MLC1: variants seen among roughly 807,000 people sequenced by gnomAD.
MLC1 encodes membrane protein MLC1.
A neutral mutation model predicts 44.7 loss-of-function variants in MLC1; 32 were observed. That is an observed-to-expected ratio of 0.72 (90% confidence interval 0.54 to 0.96). The LOEUF (loss-of-function observed/expected upper bound fraction) is 0.96. MLC1 is among the 40% of genes least tolerant of loss of function. MLC1 has a pLI of 0.00. For missense variants in MLC1, 459 were observed against 492.2 expected, an observed-to-expected ratio of 0.93 and a Z score of 0.64; for synonymous variants, 190 against 213.0, an observed-to-expected ratio of 0.89 and a Z score of 0.94.
chr22:50,083,906 A>C lies in MLC1; in HGVS notation c.178-733T>G, dbSNP rs1427058982. ...CCAGGTGGAGGAGGGCAGAGCCCGGAGATGGCCACCACCACCCGGGAGCCG... is the reference window on the plus strand; with the variant it reads ...CCAGGTGGAGGAGGGCAGAGCCCGGCGATGGCCACCACCACCCGGGAGCCG... On this transcript the variant is annotated intron_variant, in intron 2 of 11. Coordinates refer to ENST00000311597, the MANE Select transcript of MLC1 (RefSeq NM_015166.4). The surrounding 1 kb of genome is among the most constrained non-coding windows in gnomAD (Gnocchi z 4.6). 6.6e-6 allele frequency among the ~76,000 whole-genome samples: 1 copy of C among 151,884 alleles called. No individual in the cohort carries two copies. The highest frequency in any genetic ancestry group is 1.5e-5 in the Non-Finnish European group (1 of 67,978).
chr22:50,076,404 AATT>A (rs1211875670), intron 7 of MLC1, among the ~76,000 whole-genome samples: 2 of 152,092 alleles, frequency 1.3e-5, no homozygotes, highest in Non-Finnish European at 2.9e-5. Context: ...AAAATAAAAT[AATT>A]AGCCGGGCGT....
At chr22:50,071,669 G>T (rs1487869975) in intron 8 of MLC1, among the ~76,000 whole-genome samples, 2 of 152,202 alleles carry the variant, frequency 1.3e-5, no homozygotes, top group Non-Finnish European at 2.9e-5. Context: ...ACGCTGACTT[G>T]ACTCACTGGG....
chr22:50,084,980 CG>C lies in MLC1; in HGVS notation c.-59-20del. 6.3e-7 allele frequency: 1 copy of C among 1,579,954 alleles called. No individual in the cohort carries two copies. ...TCTTTATCTGGAATAAAATTATCAT[CG>C]GCTTTGGCCACTCTGAGGAAACTTC... On this transcript the variant is annotated intron_variant, in intron 1 of 11. Coordinates refer to ENST00000311597, the MANE Select transcript of MLC1 (RefSeq NM_015166.4).
At chr22:50,079,500 C>CTTTTTTTT (rs55760839) in intron 5 of MLC1, among the ~76,000 whole-genome samples, 17 of 75,808 alleles carry the variant, frequency 2.2e-4, no homozygotes, top group Non-Finnish European at 2.7e-4. Flanking sequence ...GGATTTTTGT[C>CTTTTTTTT]TTTTTTTTTT....
rs756589485 is a variant in MLC1 at position 50,074,237 on chromosome 22, C to T, written c.693G>A (p.Thr231=). The T allele has an allele frequency of 2.0e-5, 33 of 1,613,552 alleles. No individual in the cohort carries two copies. The Admixed American group carries it at 4.3e-4, about 21-fold the overall frequency. ...DSVSGPHLSV[T]FFWILVACFP... ...TCACGGCCACTAGGATCCAAAAGAA[C>T]GTCACTGAGAGGTGTGGGCCTGAAA... The change falls in exon 8 of 12, where the codon ACG becomes ACA. Residue 231 remains threonine, a synonymous_variant. Transcript: ENST00000311597.
At chr22:50,067,275 A>G (rs2061722237) in intron 10 of MLC1, among the ~76,000 whole-genome samples, 1 of 151,498 alleles carries the variant, frequency 6.6e-6, no homozygotes, top group South Asian at 2.1e-4. Flanking sequence ...CCCTTCAGAC[A>G]GTGACTCCAT....
At chr22:50,080,204 T>C in intron 4 of MLC1, 140 bp downstream of exon 4, 1 of 1,206,044 alleles carries the variant, frequency 8.3e-7, no homozygotes, top group Non-Finnish European at 1.2e-6. Flanking sequence ...GGAGCTTTAC[T>C]GTCTGGGGGG....
chr22:50,062,876 C>G (rs1219212470), intron 11 of MLC1, among the ~76,000 whole-genome samples: 1 of 152,226 alleles, frequency 6.6e-6, no homozygotes, highest in African/African-American at 2.4e-5. Context: ...CGCTGAGCCT[C>G]TGCCTTTCAG....
chr22:50,076,727 C>T (rs923383677), intron 7 of MLC1, 114 bp downstream of exon 7: 15 of 1,069,670 alleles, frequency 1.4e-5, no homozygotes, highest in East Asian at 7.2e-5. Context: ...CGCCGCCATG[C>T]GGTGTAGACA....
intron 7 of MLC1, among the ~76,000 whole-genome samples, 182 bp downstream of exon 7, chr22:50,076,659 A>G (rs2061988109): frequency 6.6e-6 from 1 of 152,258 alleles, no homozygotes; most frequent in Admixed American, 6.5e-5. Context: ...TTTCGCGATA[A>G]GGAAGGTTAT....
In MLC1 at chr22:50,064,257, A is replaced by G; in HGVS notation, c.895-59T>C. 3.2e-6 allele frequency: 5 copies of G among 1,544,238 alleles called. No homozygotes were observed. In the South Asian group the frequency reaches 4.7e-5, roughly 14 times the overall value. The stretch of plus-strand genomic sequence containing the variant: ...CAGCCGCCCTCCAGCCCAGGAGACC[A>G]AAGCTCCCTCGTGCCCACGGCCTTC... On this transcript the variant is annotated intron_variant, in intron 10 of 11. Coordinates refer to ENST00000311597, the MANE Select transcript of MLC1 (RefSeq NM_015166.4).
At chr22:50,079,157 G>A (rs375524300) in intron 5 of MLC1, among the ~76,000 whole-genome samples, 5 of 151,964 alleles carry the variant, frequency 3.3e-5, no homozygotes, top group South Asian at 2.1e-4. Context: ...GGTGGCACAC[G>A]CCTGTAATCC....
intron 9 of MLC1, among the ~76,000 whole-genome samples, chr22:50,068,965 G>C (rs569491483): frequency 3.2e-4 from 48 of 151,856 alleles, no homozygotes; most frequent in Admixed American, 2.5e-3. Flanking sequence ...GACCTCAGGT[G>C]ATCCACCCAC....
At position 50,084,751 on chromosome 22, in the gene MLC1, G is replaced by A. The variant is rs1291047256; in HGVS notation, c.152C>T (p.Thr51Met). 4.3e-6 allele frequency: 7 copies of A among 1,614,140 alleles called. No individual in the cohort carries two copies. Among genetic ancestry groups the A allele is most frequent in the East Asian group, 2.2e-5 (1 of 44,882 alleles). ...CCCCATCAGCACAGAGAAGACCCAC[G>A]TCTTGTGGCTGAAGCAGGGGGGCAG... ...KRLPPCFSHK[T>M]WVFSVLMGSC... Residue 51 changes from threonine (T) to methionine (M), a missense_variant, in exon 2 of 12, where the codon ACG (threonine) becomes ATG (methionine). Physicochemically the swap from Thr to Met is moderately conservative, Grantham distance 81. Coordinates refer to ENST00000311597, the MANE Select transcript of MLC1 (RefSeq NM_015166.4).
chr22:50,074,300 G>T lies in MLC1; in HGVS notation c.630C>A (p.Val210=). ...VVEVIAGISA[V]LGGIIALNVD... ...CGTTCAGGGCAATGATCCCCCCGAG[G>T]ACGGCAGAGATGCCTGCGATTACCT... Residue 210 remains valine, a synonymous_variant, in exon 8 of 12, where the codon GTC becomes GTA. Coordinates refer to ENST00000311597, the MANE Select transcript of MLC1 (RefSeq NM_015166.4). The T allele has an allele frequency of 6.2e-7, 1 of 1,614,140 alleles. No homozygotes were observed. Among genetic ancestry groups the T allele is most frequent in the Non-Finnish European group, 8.5e-7 (1 of 1,180,024 alleles).
intron 9 of MLC1, among the ~76,000 whole-genome samples, 172 bp downstream of exon 9, chr22:50,070,355 G>C (rs964844353): frequency 6.6e-6 from 1 of 152,142 alleles, no homozygotes; most frequent in Non-Finnish European, 1.5e-5. Flanking sequence ...CCTGCTGAGC[G>C]GGCCAGCCTC....
At chr22:50,085,037 C>T (rs2062247402) in intron 1 of MLC1, 76 bp from the exon 2 acceptor site, 2 of 1,505,050 alleles carry the variant, frequency 1.3e-6, no homozygotes, top group East Asian at 2.5e-5. Context: ...TATTTTTTAA[C>T]AAAAGAAATA....
Position 50,061,467 on chromosome 22 carries a change from G to A in MLC1, c.*116C>T. ...GAAAACCCCACCTGCAGCCTGGTTT[G>A]CCCTCACACAAGGGAAAAGAGGTGT... On this transcript the variant is annotated 3_prime_UTR_variant, in exon 12 of 12. Transcript: ENST00000311597. 1 of 1,117,424 alleles carries A rather than the reference G, an allele frequency of 8.9e-7. No homozygotes were observed. The highest frequency in any genetic ancestry group is 1.3e-6 in the Non-Finnish European group (1 of 741,824). The allele number at this position is 1,117,424 out of a possible 1,614,324, so 69.2% of individuals were successfully genotyped here.
In MLC1 at chr22:50,061,622, C is replaced by T. The variant is rs972858942; in HGVS notation, c.1095G>A (p.Glu365=). The T allele has an allele frequency of 1.9e-6, 3 of 1,613,856 alleles. No homozygotes were observed. Among genetic ancestry groups the T allele is most frequent in the Non-Finnish European group, 2.5e-6 (3 of 1,180,008 alleles). Residue 365 remains glutamate, a synonymous_variant, in exon 12 of 12, where the codon GAG becomes GAA. Coordinates refer to ENST00000311597, the MANE Select transcript of MLC1 (RefSeq NM_015166.4). ...GCACCACGACGGCTCTCCAGGCTTT[C>T]TCCTTGTCGAACTCCTTCAGGGGGC... is the stretch of plus-strand genomic sequence containing the variant. ...ARSPLKEFDK[E]KAWRAVVVQM...
Sources: allele counts gnomAD v4.1 joint callset (sites outside exome capture counted in the v4.1 genomes callset), GRCh38; gene constraint gnomAD v4.1.1; non-coding constraint Gnocchi (gnomAD v3.1); transcripts MANE v1.5; gene names NCBI Gene and HGNC (gene_info 2026-07-23, HGNC 2026-07-21).